PBX2: variants seen among roughly 807,000 people sequenced by gnomAD.
The protein encoded by PBX2 is pre-B-cell leukemia transcription factor 2.
In PBX2, 10 loss-of-function variants were observed where a neutral mutation model predicts 46.5. The ratio of observed to expected loss-of-function variants is 0.21; its 90% CI spans 0.13 to 0.36. PBX2 has a LOEUF of 0.36. PBX2 is among the 10% of genes least tolerant of loss of function. The pLI, the probability that PBX2 is intolerant of heterozygous loss-of-function variation, is 1.00. For synonymous variants in PBX2, 160 were observed against 222.5 expected (o/e 0.72, Z 2.50); for missense variants, 392 against 580.5 (o/e 0.68, Z 3.34).
At position 32,186,204 on chromosome 6, in the gene PBX2, T is replaced by C; in HGVS notation, c.*178A>G. 1 of 604,066 alleles carries C rather than the reference T, an allele frequency of 1.7e-6. No individual in the cohort carries two copies. Among genetic ancestry groups the C allele is most frequent in the Non-Finnish European group, 3.0e-6 (1 of 332,192 alleles). The allele number at this position is 604,066 out of a possible 1,614,324, so 37.4% of individuals were successfully genotyped here. The stretch of plus-strand genomic sequence containing the variant: ...CCCCACACTCCCCTTAGAGGCCCCA[T>C]TCTTCCTGCCATGTAATTAGCACCC... On this transcript the variant is annotated 3_prime_UTR_variant, in exon 9 of 9. Coordinates refer to ENST00000375050, the MANE Select transcript of PBX2 (RefSeq NM_002586.5). The surrounding 1 kb of genome is among the most constrained non-coding windows in gnomAD (Gnocchi z 4.2).
chr6:32,185,831 AT>A lies in PBX2; in HGVS notation c.*550del, dbSNP rs1037295462. 3 of 152,548 alleles carry A rather than the reference AT, an allele frequency of 2.0e-5. No homozygotes were observed. The highest frequency in any genetic ancestry group is 7.3e-5 in the African/African-American group (3 of 41,190). 9.4% of individuals were successfully genotyped at this position (152,548 alleles called of 1,614,324 possible). A position where few individuals can be genotyped will look rare whatever the true frequency, so the allele number is the denominator to read the frequency against. Reference sequence around the variant, plus strand: ...TCTATTGGTTTAAGATGAGCTGCGTATGAGGTAAGTAAGCCGTCCGGAGGGG... The same window carrying A: ...TCTATTGGTTTAAGATGAGCTGCGTAGAGGTAAGTAAGCCGTCCGGAGGGG... On this transcript the variant is annotated 3_prime_UTR_variant, in exon 9 of 9. Transcript: ENST00000375050.
chr6:32,189,033 C>T lies in PBX2; in HGVS notation c.222-237G>A, dbSNP rs1002013736. ...GATGCAGGCAGCAGGTTAAAGGCTGCGGGCTTTGGGAGATGGTCTAGAAAG... is the reference window on the plus strand; with the variant it reads ...GATGCAGGCAGCAGGTTAAAGGCTGTGGGCTTTGGGAGATGGTCTAGAAAG... On this transcript the variant is annotated intron_variant, in intron 1 of 8. Transcript: ENST00000375050. This position sits in a 1 kb window ranked among gnomAD's most constrained non-coding sequence, Gnocchi z 4.7. The T allele has an allele frequency of 3.6e-6, 2 of 549,452 alleles. No individual in the cohort carries two copies. Among genetic ancestry groups the T allele is most frequent in the South Asian group, 2.5e-5 (1 of 40,246 alleles). 34.0% of individuals were successfully genotyped at this position (549,452 alleles called of 1,614,324 possible).
Position 32,189,868 on chromosome 6 carries a change from C to A in PBX2, c.48G>T (p.Gly16=). 6.7e-7 allele frequency: 1 copy of A among 1,487,170 alleles called. No individual in the cohort carries two copies. The highest frequency in any genetic ancestry group is 9.0e-7 in the Non-Finnish European group (1 of 1,116,580). The allele number at this position is 1,487,170 out of a possible 1,614,324, so 92.1% of individuals were successfully genotyped here. A position where few individuals can be genotyped will look rare whatever the true frequency, so the allele number is the denominator to read the frequency against. ...LGPPPPGGGR[G]GLGLVSGEPG... ...GCTCCCCACTCACCAATCCCAGGCC[C>A]CCCCGGCCCCCGCCTGGAGGGGGCG... The change falls in exon 1 of 9, where the codon GGG becomes GGT. Residue 16 remains glycine, a synonymous_variant. Coordinates refer to ENST00000375050, the MANE Select transcript of PBX2 (RefSeq NM_002586.5). This position sits in a 1 kb window ranked among gnomAD's most constrained non-coding sequence, Gnocchi z 4.7.
In PBX2 at chr6:32,190,053, G is replaced by A. The variant is rs1182539790; in HGVS notation, c.-138C>T. 5.9e-6 allele frequency: 3 copies of A among 511,154 alleles called. No homozygotes were observed. Among genetic ancestry groups the A allele is most frequent in the Non-Finnish European group, 1.0e-5 (3 of 294,962 alleles). The allele number at this position is 511,154 out of a possible 1,614,324, so 31.7% of individuals were successfully genotyped here. On this transcript the variant is annotated 5_prime_UTR_variant, in exon 1 of 9. Coordinates refer to ENST00000375050, the MANE Select transcript of PBX2 (RefSeq NM_002586.5). ...TCTGCCCCCGGCTCCCGGCTCCCCCGGGGGTTCACCCCGGCACTGAAGGGA... is the reference window on the plus strand; with the variant it reads ...TCTGCCCCCGGCTCCCGGCTCCCCCAGGGGTTCACCCCGGCACTGAAGGGA...
Position 32,188,820 on chromosome 6 carries a change from A to G in PBX2, c.222-24T>C, listed in dbSNP as rs1329831436. 1.2e-6 allele frequency: 2 copies of G among 1,608,562 alleles called. No homozygotes were observed. The highest frequency in any genetic ancestry group is 1.7e-6 in the Non-Finnish European group (2 of 1,176,124). On this transcript the variant is annotated intron_variant, in intron 1 of 8. Coordinates refer to ENST00000375050, the MANE Select transcript of PBX2 (RefSeq NM_002586.5). This position sits in a 1 kb window ranked among gnomAD's most constrained non-coding sequence, Gnocchi z 6.5. ...TCCTTGGGAGGAGTGGGAGTGGGGA[A>G]AGAGAAAAGTTGAGGAGCTAGAGAA...
Position 32,186,668 on chromosome 6 carries a change from A to G in PBX2, c.1136T>C (p.Met379Thr), listed in dbSNP as rs759673703. The change falls in exon 8 of 9, where the codon ATG becomes ACG. Residue 379 changes from methionine (M) to threonine (T), a missense_variant. Met to Thr is a moderately conservative substitution (Grantham distance 81). Transcript: ENST00000375050. The surrounding 1 kb of genome is among the most constrained non-coding windows in gnomAD (Gnocchi z 4.2). Reference protein sequence around the residue: ...ASQVESLRHSMGPGGYGDNLG... With the variant: ...ASQVESLRHSTGPGGYGDNLG... ...GTTATCCCCATAGCCCCCTGGCCCC[A>G]TCGAGTGTCGGAGTGATTCCACCTG... 1.2e-6 allele frequency: 2 copies of G among 1,613,210 alleles called. No individual in the cohort carries two copies. Among genetic ancestry groups the G allele is most frequent in the Middle Eastern group, 1.6e-4 (1 of 6,062 alleles).
rs1156277429 is a variant in PBX2, at chr6:32,188,217, A to G, written c.543+40T>C. 2 of 1,606,974 alleles carry G rather than the reference A, an allele frequency of 1.2e-6. No homozygotes were observed. Among genetic ancestry groups the G allele is most frequent in the Non-Finnish European group, 1.7e-6 (2 of 1,175,164 alleles). ...CCTTTGACCATGGGATTCCCCTGCA[A>G]GAGCCCTTCCCTCCACCCACCCAAG... On this transcript the variant is annotated intron_variant, in intron 3 of 8. Coordinates refer to ENST00000375050, the MANE Select transcript of PBX2 (RefSeq NM_002586.5). The surrounding 1 kb of genome is among the most constrained non-coding windows in gnomAD (Gnocchi z 6.5).
At position 32,186,076 on chromosome 6, in the gene PBX2, G is replaced by A. The variant is rs1244889467; in HGVS notation, c.*306C>T. The A allele has an allele frequency of 9.7e-6, 4 of 410,428 alleles. No individual in the cohort carries two copies. The highest frequency in any genetic ancestry group is 4.1e-5 in the East Asian group (1 of 24,150). The allele number at this position is 410,428 out of a possible 1,614,324, so 25.4% of individuals were successfully genotyped here. A position where few individuals can be genotyped will look rare whatever the true frequency, so the allele number is the denominator to read the frequency against. ...TGTGGGAGAGGGAGAGAGAAAGACA[G>A]AGGAGAAAAAGGGGTCTGAGAAATA... On this transcript the variant is annotated 3_prime_UTR_variant, in exon 9 of 9. Transcript: ENST00000375050. This position sits in a 1 kb window ranked among gnomAD's most constrained non-coding sequence, Gnocchi z 4.2.
Position 32,187,956 on chromosome 6 carries a change from C to T in PBX2, c.734+10G>A. The T allele has an allele frequency of 6.5e-7, 1 of 1,534,238 alleles. No homozygotes were observed. Reference sequence around the variant, plus strand: ...AGTGCTGGGGGCCAGCCTGGGGTCCCTGGGCCCACCTGGCATCCAGGAAAC... The same window carrying T: ...AGTGCTGGGGGCCAGCCTGGGGTCCTTGGGCCCACCTGGCATCCAGGAAAC... On this transcript the variant is annotated intron_variant, in intron 4 of 8. Transcript: ENST00000375050. The surrounding 1 kb of genome is among the most constrained non-coding windows in gnomAD (Gnocchi z 7.7).
In PBX2 at chr6:32,186,983, A is replaced by G; in HGVS notation, c.1025-82T>C. ...CACAACTCTCAACTCTTGTGGGGAC[A>G]TGCTACTATACTCCAATTATCCACA... On this transcript the variant is annotated intron_variant, in intron 6 of 8. Coordinates refer to ENST00000375050, the MANE Select transcript of PBX2 (RefSeq NM_002586.5). The surrounding 1 kb of genome is among the most constrained non-coding windows in gnomAD (Gnocchi z 4.2). 1 of 1,246,600 alleles carries G rather than the reference A, an allele frequency of 8.0e-7. No homozygotes were observed. Among genetic ancestry groups the G allele is most frequent in the East Asian group, 2.3e-5 (1 of 42,828 alleles). The allele number at this position is 1,246,600 out of a possible 1,614,324, so 77.2% of individuals were successfully genotyped here.
Position 32,189,051 on chromosome 6 carries a change from C to G in PBX2, c.222-255G>C. 1.9e-6 allele frequency: 1 copy of G among 529,724 alleles called. No homozygotes were observed. Among genetic ancestry groups the G allele is most frequent in the Non-Finnish European group, 3.4e-6 (1 of 294,990 alleles). 32.8% of individuals were successfully genotyped at this position (529,724 alleles called of 1,614,324 possible). ...AAGGCTGCGGGCTTTGGGAGATGGT[C>G]TAGAAAGGTAGGAGGAGGAATCTGG... On this transcript the variant is annotated intron_variant, in intron 1 of 8. Coordinates refer to ENST00000375050, the MANE Select transcript of PBX2 (RefSeq NM_002586.5). This position sits in a 1 kb window ranked among gnomAD's most constrained non-coding sequence, Gnocchi z 4.7.
Position 32,186,648 on chromosome 6 carries a change from C to G in PBX2, c.1156G>C (p.Asp386His). The change falls in exon 8 of 9, where the codon GAT (aspartate) becomes CAT (histidine). Residue 386 changes from aspartate to histidine, a missense_variant. Physicochemically the swap from Asp to His is moderately conservative, Grantham distance 81. Transcript: ENST00000375050. This position sits in a 1 kb window ranked among gnomAD's most constrained non-coding sequence, Gnocchi z 4.2. ...TACATCTGGCCTCCCCCGAGGTTAT[C>G]CCCATAGCCCCCTGGCCCCATCGAG... ...RHSMGPGGYG[D>H]NLGGGQMYSP... The G allele has an allele frequency of 6.2e-7, 1 of 1,613,118 alleles. No homozygotes were observed.
chr6:32,190,105 A>C lies in PBX2; in HGVS notation c.-190T>G, dbSNP rs1787375101. ...ACCTGGGATACCGGCTGGGCCCCCC[A>C]CAGGAGACCCCGGCCCCCGGCGGCG... On this transcript the variant is annotated 5_prime_UTR_variant, in exon 1 of 9. Coordinates refer to ENST00000375050, the MANE Select transcript of PBX2 (RefSeq NM_002586.5). 32 of 392,104 alleles carry C rather than the reference A, an allele frequency of 8.2e-5. No individual in the cohort carries two copies. Among genetic ancestry groups the C allele is most frequent in the Non-Finnish European group, 1.0e-4 (22 of 220,446 alleles). The allele number at this position is 392,104 out of a possible 1,614,324, so 24.3% of individuals were successfully genotyped here. A position where few individuals can be genotyped will look rare whatever the true frequency, so the allele number is the denominator to read the frequency against.
In PBX2 at chr6:32,187,738, T is replaced by C; in HGVS notation, c.779A>G (p.Asn260Ser). Residue 260 changes from asparagine to serine, a missense_variant, in exon 5 of 9, where the codon AAT becomes AGT. By Grantham distance (46) the Asn-to-Ser change is conservative. Coordinates refer to ENST00000375050, the MANE Select transcript of PBX2 (RefSeq NM_002586.5). The surrounding 1 kb of genome is among the most constrained non-coding windows in gnomAD (Gnocchi z 7.7). ...ACTCAGGTGGGAGTAGAAATACTCA[T>C]TTAGGACCTCAGTGGCCTGTTTGCT... ...NFSKQATEVLNEYFYSHLSNP... is the reference protein window; with the variant it reads ...NFSKQATEVLSEYFYSHLSNP... 6.2e-7 allele frequency: 1 copy of C among 1,612,406 alleles called. No individual in the cohort carries two copies. Among genetic ancestry groups the C allele is most frequent in the Admixed American group, 1.7e-5 (1 of 59,886 alleles).
chr6:32,186,219 A>T lies in PBX2; in HGVS notation c.*163T>A, dbSNP rs1582736257. On this transcript the variant is annotated 3_prime_UTR_variant, in exon 9 of 9. Coordinates refer to ENST00000375050, the MANE Select transcript of PBX2 (RefSeq NM_002586.5). The surrounding 1 kb of genome is among the most constrained non-coding windows in gnomAD (Gnocchi z 4.2). ...AGAGGCCCCATTCTTCCTGCCATGT[A>T]ATTAGCACCCCCAGCACAGAGAGTC... The T allele has an allele frequency of 6.6e-6, 4 of 610,592 alleles. No homozygotes were observed. Among genetic ancestry groups the T allele is most frequent in the Non-Finnish European group, 1.2e-5 (4 of 335,178 alleles). 37.8% of individuals were successfully genotyped at this position (610,592 alleles called of 1,614,324 possible).
chr6:32,189,587 G>T lies in PBX2; in HGVS notation c.221+108C>A. 1 of 764,432 alleles carries T rather than the reference G, an allele frequency of 1.3e-6. No individual in the cohort carries two copies. The highest frequency in any genetic ancestry group is 2.2e-6 in the Non-Finnish European group (1 of 462,160). 47.4% of individuals were successfully genotyped at this position (764,432 alleles called of 1,614,324 possible). On this transcript the variant is annotated intron_variant, in intron 1 of 8. Coordinates refer to ENST00000375050, the MANE Select transcript of PBX2 (RefSeq NM_002586.5). The surrounding 1 kb of genome is among the most constrained non-coding windows in gnomAD (Gnocchi z 4.7). The stretch of plus-strand genomic sequence containing the variant: ...CCAGGAATAAGGAGAGAAGAGAGCT[G>T]TTGGATCCTGGAGAGGGCCCTGGAG...
Position 32,188,649 on chromosome 6 carries a change from G to A in PBX2, c.295+74C>T. Reference sequence around the variant, plus strand: ...CTCCTTACTTTCCTCAGGGCCCCAAGTTGTCACACTCTAGCCCTATAATGA... The same window carrying A: ...CTCCTTACTTTCCTCAGGGCCCCAAATTGTCACACTCTAGCCCTATAATGA... On this transcript the variant is annotated intron_variant, in intron 2 of 8. Coordinates refer to ENST00000375050, the MANE Select transcript of PBX2 (RefSeq NM_002586.5). The surrounding 1 kb of genome is among the most constrained non-coding windows in gnomAD (Gnocchi z 6.5). The A allele has an allele frequency of 6.3e-7, 1 of 1,578,972 alleles. No homozygotes were observed. The highest frequency in any genetic ancestry group is 8.7e-7 in the Non-Finnish European group (1 of 1,151,306).
rs772279858 is a variant in PBX2, at chr6:32,187,285, C to T, written c.981G>A (p.Gly327=). The change falls in exon 6 of 9, where the codon GGG becomes GGA. Residue 327 remains glycine, a synonymous_variant. Transcript: ENST00000375050. This position sits in a 1 kb window ranked among gnomAD's most constrained non-coding sequence, Gnocchi z 7.7. ...TCGGGGAGCTGGTGCGGCTGTGGCC[C>T]CCCTGGGTGACTGACACGGCGGTCT... The part of the protein sequence containing the change: ...AVKTAVSVTQ[G]GHSRTSSPTP... 5.6e-6 allele frequency: 9 copies of T among 1,612,902 alleles called. No homozygotes were observed. In the African/African-American group the frequency reaches 8.0e-5, roughly 14 times the overall value.
rs1262891273 is a variant in PBX2, at chr6:32,189,487, G to A, written c.221+208C>T. 6.6e-6 allele frequency among the ~76,000 whole-genome samples: 1 copy of A among 152,038 alleles called. No homozygotes were observed. The highest frequency in any genetic ancestry group is 2.4e-5 in the African/African-American group (1 of 41,400). Reference sequence around the variant, plus strand: ...GTTAGGAGTGGGGAGCCGGGCCACCGGGGGTTCCCTCTGTGAAGGTTTCAG... The same window carrying A: ...GTTAGGAGTGGGGAGCCGGGCCACCAGGGGTTCCCTCTGTGAAGGTTTCAG... On this transcript the variant is annotated intron_variant, in intron 1 of 8. Transcript: ENST00000375050. This position sits in a 1 kb window ranked among gnomAD's most constrained non-coding sequence, Gnocchi z 4.7.
Sources: gnomAD v4.1 joint callset for allele counts (sites outside exome capture counted in the v4.1 genomes callset) on GRCh38, gnomAD v4.1.1 for gene constraint, Gnocchi (gnomAD v3.1) non-coding constraint, MANE v1.5 for transcripts, NCBI Gene and HGNC (gene_info 2026-07-23, HGNC 2026-07-21) for gene names.